The following DYRK3 variants were observed in gnomAD, a reference collection of about 807,000 sequenced individuals.
The protein encoded by DYRK3 is dual specificity tyrosine phosphorylation regulated kinase 3.
DYRK3 carries 30 observed loss-of-function variants against 40.8 expected under a neutral mutation model. The observed-to-expected ratio is 0.74, with a 90% confidence interval of 0.55 to 1.00. DYRK3 has a LOEUF of 1.00. DYRK3 is among the 50% of genes least tolerant of loss of function. The pLI is 0.00. For synonymous variants in DYRK3, 272 were observed against 260.7 expected (o/e 1.04, Z -0.42); for missense variants, 699 against 731.5 (o/e 0.96, Z 0.51).
Position 206,648,665 on chromosome 1 carries a change from G to A in DYRK3, c.1467G>A (p.Gly489=). 6.2e-7 allele frequency: 1 copy of A among 1,614,028 alleles called. No homozygotes were observed. The highest frequency in any genetic ancestry group is 8.5e-7 in the Non-Finnish European group (1 of 1,179,962). Residue 489 remains glycine (G), a synonymous_variant, in exon 3 of 3, where the codon GGG becomes GGA. Coordinates refer to ENST00000367109, the MANE Select transcript of DYRK3 (RefSeq NM_003582.4). Reference sequence around the variant, plus strand: ...AAGACTGGGGGACAGCACTGAAAGGGTGTGATGACTACTTGTTTATAGAGT... The same window carrying A: ...AAGACTGGGGGACAGCACTGAAAGGATGTGATGACTACTTGTTTATAGAGT... ...GSKDWGTALK[G]CDDYLFIEFL...
rs542919742 is a variant in DYRK3 at position 206,649,456 on chromosome 1, G to T, written c.*491G>T. On this transcript the variant is annotated 3_prime_UTR_variant, in exon 3 of 3. Transcript: ENST00000367109. ...AGCTCACAGCAGACTGTGGGGTGGG[G>T]GAGCACCAGGAAGCTGTTGGTGACC... Among the ~76,000 whole-genome samples, 62 of 152,302 alleles carry T rather than the reference G, an allele frequency of 4.1e-4. No individual in the cohort carries two copies. Among genetic ancestry groups the T allele is most frequent in the African/African-American group, 1.4e-3 (59 of 41,544 alleles).
rs1226129128 is a variant in DYRK3 at position 206,649,073 on chromosome 1, C to CT, written c.*115dup. On this transcript the variant is annotated 3_prime_UTR_variant, in exon 3 of 3. Transcript: ENST00000367109. ...TGGTGGATGTTTTTGTTAGAGTAGA[C>CT]TTTTTTTAAACAAGACAAAACATTT... The CT allele has an allele frequency of 9.0e-5, 110 of 1,227,456 alleles. 1 individual carries two copies. The highest frequency in any genetic ancestry group is 1.2e-4 in the Non-Finnish European group (109 of 902,742). 76.0% of individuals were successfully genotyped at this position (1,227,456 alleles called of 1,614,324 possible).
chr1:206,642,769 CT>C (rs1183157951), intron 2 of DYRK3, among the ~76,000 whole-genome samples: 2 of 151,884 alleles, frequency 1.3e-5, no homozygotes, highest in Admixed American at 1.3e-4. Context: ...ACACCAGGAC[CT>C]GTCGTGGGGT....
At chr1:206,645,486 CCTT>C (rs1277988107) in intron 2 of DYRK3, among the ~76,000 whole-genome samples, 28 of 151,878 alleles carry the variant, frequency 1.8e-4, no homozygotes, top group African/African-American at 6.5e-4. Flanking sequence ...CTTTCCAGCC[CCTT>C]CTTAGTATTT....
In DYRK3 at chr1:206,651,218, A is replaced by T. The variant is rs556363169; in HGVS notation, c.*2253A>T. Among the ~76,000 whole-genome samples, 26 of 152,258 alleles carry T rather than the reference A, an allele frequency of 1.7e-4. No homozygotes were observed. The highest frequency in any genetic ancestry group is 2.8e-4 in the Non-Finnish European group (19 of 68,020). ...TATTCATCACTGCCTTCTTCAAGGG[A>T]GGTCTTGAAACTGCCTCATCTACCT... On this transcript the variant is annotated 3_prime_UTR_variant, in exon 3 of 3. Coordinates refer to ENST00000367109, the MANE Select transcript of DYRK3 (RefSeq NM_003582.4).
chr1:206,649,573 C>T lies in DYRK3; in HGVS notation c.*608C>T, dbSNP rs782603927. 2.7e-4 allele frequency among the ~76,000 whole-genome samples: 41 copies of T among 152,300 alleles called. No individual in the cohort carries two copies. The highest frequency in any genetic ancestry group is 1.2e-3 in the Admixed American group (18 of 15,292). On this transcript the variant is annotated 3_prime_UTR_variant, in exon 3 of 3. Transcript: ENST00000367109. The stretch of plus-strand genomic sequence containing the variant: ...GTTATTATTTTATGTTGTTATTTTG[C>T]CTCTGATTTGTTTCCTAGTCACTCA...
At position 206,651,447 on chromosome 1, in the gene DYRK3, T is replaced by C. The variant is rs1671630148; in HGVS notation, c.*2482T>C. Among the ~76,000 whole-genome samples the C allele has an allele frequency of 1.3e-5, 2 of 152,228 alleles. No individual in the cohort carries two copies. Among genetic ancestry groups the C allele is most frequent in the Non-Finnish European group, 1.5e-5 (1 of 68,042 alleles). ...CTTTCAACTACCAAGAAATGGATGA[T>C]TTCTCTGCCAACTCCAGGAAGTAGT... is the stretch of plus-strand genomic sequence containing the variant. On this transcript the variant is annotated 3_prime_UTR_variant, in exon 3 of 3. Coordinates refer to ENST00000367109, the MANE Select transcript of DYRK3 (RefSeq NM_003582.4).
At chr1:206,644,031 C>CTTTTTGCTTTTTTTTTT (rs1553419729) in intron 2 of DYRK3, among the ~76,000 whole-genome samples, 5 of 101,050 alleles carry the variant, frequency 4.9e-5, no homozygotes, top group Non-Finnish European at 9.7e-5. Flanking sequence ...GGACCTACAG[C>CTTTTTGCTTTTTTTTTT]TTTTTTTTTT....
chr1:206,638,720 G>A (rs899260229), intron 2 of DYRK3, among the ~76,000 whole-genome samples: 1 of 151,936 alleles, frequency 6.6e-6, no homozygotes, highest in Admixed American at 6.6e-5. Flanking sequence ...GTCATCAGAT[G>A]AACAAACTGA....
rs1671643837 is a variant in DYRK3, at chr1:206,652,023, T to C, written c.*3058T>C. Among the ~76,000 whole-genome samples the C allele has an allele frequency of 6.6e-6, 1 of 152,174 alleles. No homozygotes were observed. The highest frequency in any genetic ancestry group is 1.5e-5 in the Non-Finnish European group (1 of 68,032). On this transcript the variant is annotated 3_prime_UTR_variant, in exon 3 of 3. Transcript: ENST00000367109. ...TAGCCAGCAGCAGTGTCAAGACAGC[T>C]GACACTGTCTTCCAAGAGTGAATGC...
At chr1:206,636,900 A>C in intron 1 of DYRK3, 1 of 1,612,892 alleles carries the variant, frequency 6.2e-7, no homozygotes, top group South Asian at 1.1e-5. Context: ...GTTAAAGAAC[A>C]GAGAAGTGAT....
intron 2 of DYRK3, among the ~76,000 whole-genome samples, chr1:206,638,270 CTTTTTTTTTTTTT>C (rs55807350): frequency 1.4e-5 from 1 of 73,502 alleles, no homozygotes; most frequent in South Asian, 5.1e-4. Flanking sequence ...AGACACTTAG[CTTTTTTTTTTTTT>C]TTTTTTTTTT....
intron 2 of DYRK3, among the ~76,000 whole-genome samples, chr1:206,639,465 A>ATTTT (rs11400833): frequency 5.9e-5 from 7 of 118,534 alleles, no homozygotes; most frequent in East Asian, 2.4e-4. Flanking sequence ...ATTTTAACTG[A>ATTTT]TTTTTTTTTT....
Position 206,635,665 on chromosome 1 carries a change from A to T in DYRK3, c.-39A>T, listed in dbSNP as rs1465196765. On this transcript the variant is annotated 5_prime_UTR_variant, in exon 1 of 3. Coordinates refer to ENST00000367109, the MANE Select transcript of DYRK3 (RefSeq NM_003582.4). ...AGGTGGCGTGGCCGACCGGACCCCC[A>T]ACTGGCGCCTCTCCCCGCGCGGGGT... The T allele has an allele frequency of 8.0e-7, 1 of 1,245,230 alleles. No homozygotes were observed. The highest frequency in any genetic ancestry group is 1.0e-6 in the Non-Finnish European group (1 of 989,450). The allele number at this position is 1,245,230 out of a possible 1,614,324, so 77.1% of individuals were successfully genotyped here.
rs1553420876 is a variant in DYRK3 at position 206,648,811 on chromosome 1, G to A, written c.1613G>A (p.Gly538Glu). 1 of 1,614,184 alleles carries A rather than the reference G, an allele frequency of 6.2e-7. No individual in the cohort carries two copies. The highest frequency in any genetic ancestry group is 2.2e-5 in the East Asian group (1 of 44,880). The change falls in exon 3 of 3, where the codon GGG becomes GAG. Residue 538 changes from glycine to glutamate, a missense_variant. Gly to Glu is a moderately conservative substitution (Grantham distance 98). Coordinates refer to ENST00000367109, the MANE Select transcript of DYRK3 (RefSeq NM_003582.4). ...CTCACCACCATAGACAAGGTGTCAG[G>A]GAAACGGGTAGTTAATCCTGCAAGT... ...RPLTTIDKVS[G>E]KRVVNPASAF...
At chr1:206,646,765 C>A (rs887941338) in intron 2 of DYRK3, among the ~76,000 whole-genome samples, 1 of 152,144 alleles carries the variant, frequency 6.6e-6, no homozygotes, top group East Asian at 1.9e-4. Context: ...TGAATAGGAG[C>A]CAGAAGACCT....
chr1:206,640,156 G>A (rs967287881), intron 2 of DYRK3, among the ~76,000 whole-genome samples: 2 of 151,340 alleles, frequency 1.3e-5, no homozygotes, highest in African/African-American at 2.4e-5. Flanking sequence ...GGATGGTCCC[G>A]AACCCCTGAC....
chr1:206,637,741 C>A lies in DYRK3; in HGVS notation c.169C>A (p.Pro57Thr). 6.2e-7 allele frequency: 1 copy of A among 1,613,120 alleles called. No individual in the cohort carries two copies. The highest frequency in any genetic ancestry group is 8.5e-7 in the Non-Finnish European group (1 of 1,179,182). ...SNVLCNPSEP[P>T]PPRRLNMTTE... is the part of the protein sequence containing the mutation. ...TGTACTCTGCAATCCTTCTGAACCACCTCCACCCAGAAGACTAAATGTAAG... is the reference window on the plus strand; with the variant it reads ...TGTACTCTGCAATCCTTCTGAACCAACTCCACCCAGAAGACTAAATGTAAG... The change falls in exon 2 of 3, where the codon CCT becomes ACT. Residue 57 changes from proline to threonine, a missense_variant. By Grantham distance (38) the Pro-to-Thr change is conservative. Coordinates refer to ENST00000367109, the MANE Select transcript of DYRK3 (RefSeq NM_003582.4).
Position 206,650,330 on chromosome 1 carries a change from G to T in DYRK3, c.*1365G>T, listed in dbSNP as rs781925643. ...GCCTGTAATCCCAGCACTTTGGGAGGCTGAGGTGGGTGGATTCCTTGAGCC... is the reference window on the plus strand; with the variant it reads ...GCCTGTAATCCCAGCACTTTGGGAGTCTGAGGTGGGTGGATTCCTTGAGCC... On this transcript the variant is annotated 3_prime_UTR_variant, in exon 3 of 3. Coordinates refer to ENST00000367109, the MANE Select transcript of DYRK3 (RefSeq NM_003582.4). Among the ~76,000 whole-genome samples the T allele has an allele frequency of 9.2e-5, 14 of 152,214 alleles. No individual in the cohort carries two copies. The highest frequency in any genetic ancestry group is 1.9e-4 in the Non-Finnish European group (13 of 68,038).
Sources: allele counts gnomAD v4.1 joint callset (sites outside exome capture counted in the v4.1 genomes callset), GRCh38; gene constraint gnomAD v4.1.1; transcripts MANE v1.5; gene names NCBI Gene and HGNC (gene_info 2026-07-23, HGNC 2026-07-21).